The following DPP6 variants were observed in gnomAD, a reference collection of about 807,000 sequenced individuals.
DPP6 encodes the protein A-type potassium channel modulatory protein DPP6.
Under a neutral mutation model 122.6 loss-of-function variants are expected in DPP6, and 69 were observed. That is an observed-to-expected ratio of 0.56 (90% confidence interval 0.46 to 0.69). The LOEUF (loss-of-function observed/expected upper bound fraction) is 0.69. Ranked by LOEUF, DPP6 falls within the 30% of genes least tolerant of loss-of-function variation. DPP6 has a pLI of 0.00. For synonymous variants in DPP6, 418 were observed against 433.1 expected, an observed-to-expected ratio of 0.97 and a Z score of 0.43; for missense variants, 928 against 1,116.9, an observed-to-expected ratio of 0.83 and a Z score of 2.41.
chr7:153,995,389 A>G (rs1053351363), intron 1 of DPP6, among the ~76,000 whole-genome samples: 4 of 152,148 alleles, frequency 2.6e-5, no homozygotes, highest in African/African-American at 9.6e-5. Flanking sequence ...GGTCGAGACC[A>G]TCCTGGCTAA....
intron 1 of DPP6, among the ~76,000 whole-genome samples, chr7:154,203,603 C>G (rs576736370): frequency 6.6e-6 from 1 of 152,214 alleles, no homozygotes; most frequent in Admixed American, 6.5e-5. Flanking sequence ...ACCAAGCAAG[C>G]GACATATCCT....
At chr7:153,773,283 GTGTGTGTGTC>G in the DPP6 span, among the ~76,000 whole-genome samples, 3 of 144,570 alleles carry the variant, frequency 2.1e-5, no homozygotes, top group South Asian at 6.6e-4. Context: ...GTGTGTGTGT[GTGTGTGTGTC>G]TGTGTGTGTA....
chr7:154,361,557 T>G (rs1811720706), intron 1 of DPP6, among the ~76,000 whole-genome samples: 1 of 146,782 alleles, frequency 6.8e-6, no homozygotes, highest in South Asian at 2.1e-4. Context: ...AAAGCAAAAG[T>G]TTTGAAAAAC....
intron 8 of DPP6, among the ~76,000 whole-genome samples, chr7:154,766,372 C>T (rs1459397990): frequency 6.6e-6 from 1 of 152,090 alleles, no homozygotes; most frequent in African/African-American, 2.4e-5. Context: ...GGCTGGAGTA[C>T]GGTGGCAAGA....
intron 8 of DPP6, among the ~76,000 whole-genome samples, chr7:154,756,069 C>G (rs188856702): frequency 2.8e-4 from 43 of 152,328 alleles, no homozygotes; most frequent in Non-Finnish European, 5.6e-4. Context: ...GGCAGGACAG[C>G]GGTCATCTGC....
intron 1 of DPP6, among the ~76,000 whole-genome samples, chr7:154,412,434 G>A (rs1816681918): frequency 6.6e-6 from 1 of 151,910 alleles, no homozygotes; most frequent in Non-Finnish European, 1.5e-5. Context: ...ACTCTTTTGG[G>A]GTCTCTTCCT....
chr7:154,740,315 GTCT>G lies in DPP6; in HGVS notation c.883+12433_883+12435del, dbSNP rs1471491341. On this transcript the variant is annotated intron_variant, in intron 8 of 25. Coordinates refer to ENST00000377770, the MANE Select transcript of DPP6 (RefSeq NM_130797.4). ...TCTAATTTCTTTTTTTTTTTTTTCC[GTCT>G]TCTTAAGTCACCTAAGGACATTAGA... Among the ~76,000 whole-genome samples, 6 of 134,118 alleles carry G rather than the reference GTCT, an allele frequency of 4.5e-5. No individual in the cohort carries two copies. In the East Asian group the frequency reaches 1.3e-3, roughly 28 times the overall value. 88.0% of individuals were successfully genotyped at this position (134,118 alleles called of 152,430 possible).
intron 1 of DPP6, among the ~76,000 whole-genome samples, chr7:154,031,113 C>G (rs564617723): frequency 6.6e-5 from 10 of 152,216 alleles, no homozygotes; most frequent in Non-Finnish European, 1.2e-4. Context: ...CATTATCCCC[C>G]AGGGCGAATA....
At chr7:153,864,202 T>TA in the DPP6 span, among the ~76,000 whole-genome samples, 9 of 152,190 alleles carry the variant, frequency 5.9e-5, no homozygotes, top group Non-Finnish European at 1.2e-4. Flanking sequence ...GTCCCACCGG[T>TA]AATGTATGGG....
intron 3 of DPP6, among the ~76,000 whole-genome samples, chr7:154,479,356 G>A (rs908101858): frequency 3.9e-5 from 6 of 151,960 alleles, no homozygotes; most frequent in African/African-American, 7.3e-5. Flanking sequence ...TAAGGAGTTC[G>A]AGACCAGCCT....
chr7:154,415,208 T>G lies in DPP6; in HGVS notation c.244-31006T>G, dbSNP rs372688248. Among the ~76,000 whole-genome samples the G allele has an allele frequency of 2.6e-4, 39 of 152,282 alleles. 1 individual carries two copies. In the South Asian group the frequency reaches 8.1e-3, roughly 32 times the overall value. Reference sequence around the variant, plus strand: ...GACCAAGCAGGTGGTACATGTTATATTCACATGTAGAAGACTCATCCCTGG... The same window carrying G: ...GACCAAGCAGGTGGTACATGTTATAGTCACATGTAGAAGACTCATCCCTGG... On this transcript the variant is annotated intron_variant, in intron 1 of 25. Transcript: ENST00000377770.
At chr7:154,652,604 G>T (rs1246524809) in intron 6 of DPP6, among the ~76,000 whole-genome samples, 2 of 152,052 alleles carry the variant, frequency 1.3e-5, no homozygotes, top group African/African-American at 4.8e-5. Flanking sequence ...CATGTATGTT[G>T]TCAGGTCCTC....
At position 154,198,673 on chromosome 7, in the gene DPP6, T is replaced by A. The variant is rs759401403; in HGVS notation, c.243+145610T>A. ...TAAGCATTATGCAACTCTGGTTAGA[T>A]AATGAAGGTCATGATACACCTAGAA... On this transcript the variant is annotated intron_variant, in intron 1 of 25. Coordinates refer to ENST00000377770, the MANE Select transcript of DPP6 (RefSeq NM_130797.4). Among the ~76,000 whole-genome samples, 193 of 152,324 alleles carry A rather than the reference T, an allele frequency of 1.3e-3. 1 individual carries two copies. The highest frequency in any genetic ancestry group is 1.9e-3 in the Non-Finnish European group (132 of 68,028).
chr7:154,653,854 C>T (rs552220651), intron 6 of DPP6, among the ~76,000 whole-genome samples: 1 of 152,228 alleles, frequency 6.6e-6, no homozygotes, highest in East Asian at 1.9e-4. Context: ...AGAGAAGACA[C>T]AAGCTCCCTT....
At chr7:154,437,201 T>G (rs1484971075) in intron 1 of DPP6, among the ~76,000 whole-genome samples, 3 of 152,266 alleles carry the variant, frequency 2.0e-5, no homozygotes, top group Non-Finnish European at 4.4e-5. Flanking sequence ...ATTTCTCTGA[T>G]GCTATTTGTT....
intron 1 of DPP6, among the ~76,000 whole-genome samples, chr7:154,004,429 T>C (rs1797821197): frequency 6.6e-6 from 1 of 152,044 alleles, no homozygotes; most frequent in Non-Finnish European, 1.5e-5. Flanking sequence ...GAGATATCTA[T>C]GCATTGTTTT....
intron 10 of DPP6, among the ~76,000 whole-genome samples, chr7:154,778,440 C>G (rs1001513070): frequency 6.6e-6 from 1 of 152,042 alleles, no homozygotes. Flanking sequence ...TCAGCCTTCT[C>G]TCTTTCCAAT....
intron 1 of DPP6, among the ~76,000 whole-genome samples, chr7:154,112,823 A>G (rs1168422841): frequency 6.6e-6 from 1 of 152,198 alleles, no homozygotes; most frequent in Non-Finnish European, 1.5e-5. Context: ...ACAATAGGAT[A>G]CAGCAAATAT....
chr7:154,431,445 TC>T, intron 1 of DPP6, among the ~76,000 whole-genome samples: 1 of 488 alleles, frequency 2.0e-3, no homozygotes, highest in Non-Finnish European at 3.2e-3. Context: ...TTCTTTCCTT[TC>T]TTTTCTTTTC....
Sources: gnomAD v4.1 joint callset for allele counts (sites outside exome capture counted in the v4.1 genomes callset) on GRCh38, gnomAD v4.1.1 for gene constraint, MANE v1.5 for transcripts, NCBI Gene and HGNC (gene_info 2026-07-23, HGNC 2026-07-21) for gene names.